Variants in PRKDC observed in about 807,000 individuals in gnomAD.
PRKDC encodes protein kinase, DNA-activated, catalytic subunit, also known as DNA-dependent protein kinase catalytic subunit.
PRKDC carries 82 observed loss-of-function variants against 486.9 expected under a neutral mutation model. The observed-to-expected ratio is 0.17, with a 90% confidence interval of 0.14 to 0.20. PRKDC has a LOEUF of 0.20. Among genes scored for constraint, PRKDC ranks in the 10% least tolerant of loss-of-function variants. The probability of loss-of-function intolerance (pLI) is 1.00; values close to 1 mark genes in which losing one functional copy is unlikely to be tolerated. For synonymous variants in PRKDC, 1,895 were observed against 1,837.0 expected, an observed-to-expected ratio of 1.03 and a Z score of -0.81; for missense variants, 4,504 against 5,038.2, an observed-to-expected ratio of 0.89 and a Z score of 3.21.
At chr8:47,792,553 C>T (rs1241594823) in intron 74 of PRKDC, among the ~76,000 whole-genome samples, 6 of 152,062 alleles carry the variant, frequency 3.9e-5, no homozygotes, top group Middle Eastern at 3.4e-3. Flanking sequence ...CCACCGCACC[C>T]GGCCTGACTA....
rs1409504409 is a variant in PRKDC, at chr8:47,929,843, A to G, written c.2052+10T>C. 6.3e-7 allele frequency: 1 copy of G among 1,589,408 alleles called. No homozygotes were observed. Among genetic ancestry groups the G allele is most frequent in the East Asian group, 2.2e-5 (1 of 44,654 alleles). Reference sequence around the variant, plus strand: ...AACGCAAGATTCAACATCCTGCAAGAAAGACTCACCTCGAAATATTTTATT... The same window carrying G: ...AACGCAAGATTCAACATCCTGCAAGGAAGACTCACCTCGAAATATTTTATT... On this transcript the variant is annotated intron_variant, in intron 18 of 85. Transcript: ENST00000314191.
chr8:47,888,524 C>A lies in PRKDC; in HGVS notation c.4407G>T (p.Pro1469=). 6.5e-7 allele frequency: 1 copy of A among 1,545,066 alleles called. No individual in the cohort carries two copies. The highest frequency in any genetic ancestry group is 8.7e-7 in the Non-Finnish European group (1 of 1,143,218). Residue 1469 remains proline (P), a synonymous_variant, in exon 34 of 86, where the codon CCG becomes CCT. Coordinates refer to ENST00000314191, the MANE Select transcript of PRKDC (RefSeq NM_006904.7). ...AACAATAAGTTATAGTTACCTGAGA[C>A]GGTAATATATTATGCAGAAGCCCAG... ...HRAGLLHNIL[P]SQSTDLHHSV...
intron 54 of PRKDC, among the ~76,000 whole-genome samples, chr8:47,841,233 A>G (rs1431440812): frequency 2.0e-5 from 3 of 152,198 alleles, no homozygotes; most frequent in Non-Finnish European, 4.4e-5. Context: ...GCCTATGTGG[A>G]GCCCAGCAGG....
rs778580500 is a variant in PRKDC at position 47,960,122 on chromosome 8, G to A, written c.5C>T (p.Ala2Val). 3.3e-6 allele frequency: 5 copies of A among 1,498,132 alleles called. No individual in the cohort carries two copies. The highest frequency in any genetic ancestry group is 4.4e-6 in the Non-Finnish European group (5 of 1,127,064). The allele number at this position is 1,498,132 out of a possible 1,614,324, so 92.8% of individuals were successfully genotyped here. Residue 2 changes from alanine to valine, a missense_variant, in exon 1 of 86, where the codon GCG becomes GTG. By Grantham distance (64) the Ala-to-Val change is moderately conservative. Around this residue, in one of 6 missense-constraint regions of PRKDC, gnomAD observed 145 missense variants for 136.3 expected, o/e 1.06. Transcript: ENST00000314191. M[A>V]GSGAGVRCSL... ...GCAACGCACACCGGCTCCGGAGCCC[G>A]CCATGCCGCCGAGTCCCGCTCCCGC...
chr8:47,874,910 G>C (rs1244977736), intron 40 of PRKDC, among the ~76,000 whole-genome samples: 1 of 151,948 alleles, frequency 6.6e-6, no homozygotes, highest in Admixed American at 6.6e-5. Flanking sequence ...TACAAAACTA[G>C]CTGGTGTGGT....
rs1461147828 is a variant in PRKDC, at chr8:47,862,252, C to T, written c.5919+121G>A. ...CACTCCAGCTTTAAATATACCTATG[C>T]AGAATTAAACGAACCACATCTTTAA... On this transcript the variant is annotated intron_variant, in intron 43 of 85. Coordinates refer to ENST00000314191, the MANE Select transcript of PRKDC (RefSeq NM_006904.7). 1.4e-5 allele frequency: 19 copies of T among 1,340,248 alleles called. No homozygotes were observed. In the East Asian group the frequency reaches 4.5e-4, roughly 32 times the overall value. The allele number at this position is 1,340,248 out of a possible 1,614,324, so 83.0% of individuals were successfully genotyped here.
At chr8:47,805,291 C>T (rs1327601189) in intron 69 of PRKDC, 1 of 152,224 alleles carries the variant, frequency 6.6e-6, no homozygotes, top group Non-Finnish European at 1.5e-5. Context: ...CTTCTCCAAG[C>T]TTTGTTATCT....
intron 68 of PRKDC, among the ~76,000 whole-genome samples, chr8:47,808,619 C>T (rs1236511886): frequency 1.3e-5 from 2 of 151,932 alleles, no homozygotes; most frequent in East Asian, 1.9e-4. Flanking sequence ...AAACAATAGG[C>T]GTGTGCCACC....
chr8:47,849,130 A>G, intron 54 of PRKDC, 24 bp downstream of exon 54: 1 of 1,609,468 alleles, frequency 6.2e-7, no homozygotes, highest in Non-Finnish European at 8.5e-7. Flanking sequence ...GTGGGACCCA[A>G]GAGCAGGGCT....
intron 1 of PRKDC, 142 bp downstream of exon 1, chr8:47,959,831 A>T (rs915459079): frequency 1.4e-6 from 2 of 1,391,854 alleles, no homozygotes; most frequent in Non-Finnish European, 9.5e-7. Flanking sequence ...CTTTATACAC[A>T]TACACAGAAA....
At chr8:47,856,665 G>C (rs1483029361) in intron 49 of PRKDC, among the ~76,000 whole-genome samples, 1 of 152,162 alleles carries the variant, frequency 6.6e-6, no homozygotes, top group African/African-American at 2.4e-5. Flanking sequence ...TACACTGGTG[G>C]GTACTGCATT....
intron 17 of PRKDC, among the ~76,000 whole-genome samples, 165 bp from the exon 18 acceptor site, chr8:47,930,177 T>C (rs2090226600): frequency 6.6e-6 from 1 of 152,210 alleles, no homozygotes. Flanking sequence ...TACCTGAGGA[T>C]CTTTTAAATA....
At chr8:47,950,104 T>G (rs1275575521) in intron 7 of PRKDC, among the ~76,000 whole-genome samples, 2 of 151,742 alleles carry the variant, frequency 1.3e-5, no homozygotes, top group African/African-American at 4.8e-5. Flanking sequence ...AAACCCCATC[T>G]TTACTAAAAA....
intron 69 of PRKDC, 71 bp downstream of exon 69, chr8:47,807,066 G>C (rs2087227485): frequency 1.4e-6 from 2 of 1,450,390 alleles, no homozygotes; most frequent in South Asian, 2.8e-5. Flanking sequence ...CTAAAGAAAA[G>C]CTAAAATTAG....
At chr8:47,870,542 T>C (rs181487044) in intron 40 of PRKDC, among the ~76,000 whole-genome samples, 17 of 152,282 alleles carry the variant, frequency 1.1e-4, no homozygotes, top group African/African-American at 4.1e-4. Flanking sequence ...CAGACATGGC[T>C]TCAGTGACCA....
Position 47,828,181 on chromosome 8 carries a change from A to C in PRKDC, c.8564T>G (p.Val2855Gly). Residue 2855 changes from valine (V) to glycine (G), a missense_variant, in exon 62 of 86, where the codon GTC (valine) becomes GGC (glycine). Physicochemically the swap from Val to Gly is moderately radical, Grantham distance 109. Around this residue, in one of 6 missense-constraint regions of PRKDC, gnomAD observed 1,592 missense variants for 1,724.6 expected, o/e 0.92. Coordinates refer to ENST00000314191, the MANE Select transcript of PRKDC (RefSeq NM_006904.7). ...NTTFSFFPPF[V>G]SCIQDISCQH... is the part of the protein sequence containing the mutation. ...TGCAGACTTTACCTGAATACAAGAG[A>C]CAAAGGGTGGAAAGAAAGAGAAGGT... is the stretch of plus-strand genomic sequence containing the variant. 6.2e-7 allele frequency: 1 copy of C among 1,613,656 alleles called. No individual in the cohort carries two copies. The highest frequency in any genetic ancestry group is 8.5e-7 in the Non-Finnish European group (1 of 1,179,670).
At chr8:47,908,602 T>C (rs781529767) in intron 25 of PRKDC, among the ~76,000 whole-genome samples, 1 of 152,204 alleles carries the variant, frequency 6.6e-6, no homozygotes, top group Non-Finnish European at 1.5e-5. Flanking sequence ...ACGAGTCTAC[T>C]TTTTGTTAAC....
intron 76 of PRKDC, among the ~76,000 whole-genome samples, chr8:47,788,446 T>G (rs898843682): frequency 6.6e-6 from 1 of 152,258 alleles, no homozygotes; most frequent in Non-Finnish European, 1.5e-5. Context: ...GCACAGCTCT[T>G]GGTGAGCAGT....
chr8:47,799,682 T>C (rs758133369), intron 71 of PRKDC, among the ~76,000 whole-genome samples: 25 of 151,784 alleles, frequency 1.6e-4, no homozygotes, highest in African/African-American at 6.1e-4. Context: ...CTGTCGGGAA[T>C]ATAAGAGGGA....
Sources: allele counts gnomAD v4.1 joint callset (sites outside exome capture counted in the v4.1 genomes callset), GRCh38; gene constraint gnomAD v4.1.1; regional missense constraint gnomAD v4.1.1; transcripts MANE v1.5; gene names NCBI Gene and HGNC (gene_info 2026-07-23, HGNC 2026-07-21).